LRFN5: variants seen among roughly 807,000 people sequenced by gnomAD.
LRFN5 encodes the protein leucine rich repeat and fibronectin type III domain containing 5.
Under a neutral mutation model 45.6 loss-of-function variants are expected in LRFN5, and 24 were observed. That is an observed-to-expected ratio of 0.53 (90% CI 0.38 to 0.74). The LOEUF (loss-of-function observed/expected upper bound fraction) is 0.74. Among genes scored for constraint, LRFN5 ranks in the 30% least tolerant of loss-of-function variants. The probability of loss-of-function intolerance (pLI) is 0.00; values close to 1 mark genes in which losing one functional copy is unlikely to be tolerated. For missense variants in LRFN5, 776 were observed against 861.5 expected (o/e 0.90, Z 1.24); for synonymous variants, 340 against 313.8 (o/e 1.08, Z -0.88).
At chr14:41,784,986 A>G (rs1213814202) in intron 2 of LRFN5, among the ~76,000 whole-genome samples, 1 of 152,094 alleles carries the variant, frequency 6.6e-6, no homozygotes, top group Non-Finnish European at 1.5e-5. Context: ...TCTGGGAGAC[A>G]CTGACATATT....
intron 2 of LRFN5, among the ~76,000 whole-genome samples, chr14:41,879,351 C>T (rs985050734): frequency 8.6e-5 from 13 of 151,730 alleles, no homozygotes; most frequent in African/African-American, 2.9e-4. Flanking sequence ...ATCACTATTT[C>T]CTTTTTTAAA....
chr14:41,682,217 G>T (rs963673764), intron 1 of LRFN5, among the ~76,000 whole-genome samples: 2 of 151,940 alleles, frequency 1.3e-5, no homozygotes, highest in Non-Finnish European at 2.9e-5. Flanking sequence ...CTACACTCCA[G>T]TCTGGGCAAC....
At position 41,763,061 on chromosome 14, in the gene LRFN5, A is replaced by C. The variant is rs754303037; in HGVS notation, c.-196-3793A>C. Among the ~76,000 whole-genome samples the C allele has an allele frequency of 1.3e-4, 20 of 152,342 alleles. No homozygotes were observed. The East Asian group carries it at 3.9e-3, about 29-fold the overall frequency. ...GTGAGATAATATTCTGGTGTCTTCAAGTATTTCAAGGGCTTTCAATGGGTC... is the reference window on the plus strand; with the variant it reads ...GTGAGATAATATTCTGGTGTCTTCACGTATTTCAAGGGCTTTCAATGGGTC... On this transcript the variant is annotated intron_variant, in intron 1 of 5. Transcript: ENST00000298119.
intron 3 of LRFN5, among the ~76,000 whole-genome samples, chr14:41,889,837 G>C: frequency 6.6e-6 from 1 of 152,094 alleles, no homozygotes; most frequent in East Asian, 1.9e-4. Context: ...CTTTTAGAAT[G>C]TAGTAGATTC....
At chr14:41,813,218 T>G (rs909074265) in intron 2 of LRFN5, among the ~76,000 whole-genome samples, 2 of 152,118 alleles carry the variant, frequency 1.3e-5, no homozygotes, top group African/African-American at 4.8e-5. Flanking sequence ...TTATTACAGT[T>G]TAAGTTCTGG....
chr14:41,634,112 A>T (rs2138584202), intron 1 of LRFN5, among the ~76,000 whole-genome samples: 1 of 152,288 alleles, frequency 6.6e-6, no homozygotes, highest in East Asian at 1.9e-4. Flanking sequence ...GATTCTTCAT[A>T]GTACAGTGAC....
At chr14:41,781,608 GAAAGAAAGA>G (rs1886512542) in intron 2 of LRFN5, among the ~76,000 whole-genome samples, 3 of 83,542 alleles carry the variant, frequency 3.6e-5, no homozygotes, top group African/African-American at 1.8e-4. Context: ...AAGAAAGAAA[GAAAGAAAGA>G]GAAAGAAAGA....
chr14:41,821,310 T>A (rs899366574), intron 2 of LRFN5, among the ~76,000 whole-genome samples: 7 of 151,852 alleles, frequency 4.6e-5, no homozygotes, highest in Non-Finnish European at 7.4e-5. Flanking sequence ...GAAAGTTTTT[T>A]AAATTTTATT....
intron 1 of LRFN5, among the ~76,000 whole-genome samples, chr14:41,708,058 A>G (rs1883138343): frequency 6.6e-6 from 1 of 152,042 alleles, no homozygotes; most frequent in South Asian, 2.1e-4. Context: ...ATCAAAACCA[A>G]TTTTTGATAT....
rs192606361 is a variant in LRFN5 at position 41,759,324 on chromosome 14, T to C, written c.-196-7530T>C. Among the ~76,000 whole-genome samples, 44 of 152,240 alleles carry C rather than the reference T, an allele frequency of 2.9e-4. No individual in the cohort carries two copies. The East Asian group carries it at 4.8e-3, about 17-fold the overall frequency. On this transcript the variant is annotated intron_variant, in intron 1 of 5. Transcript: ENST00000298119. ...TTTCAAAATCTCTCTTAACTATCTA[T>C]GAATCTAATTTTCAATTGCTTAATA...
Position 41,891,651 on chromosome 14 carries a change from A to C in LRFN5, c.1787A>C (p.His596Pro). The change falls in exon 4 of 6, where the codon CAC becomes CCC. Residue 596 changes from histidine (H) to proline (P), a missense_variant. Physicochemically the swap from His to Pro is moderately conservative, Grantham distance 77 (BLOSUM62 -2). Transcript: ENST00000298119. ...TCCGTGTCCAAACAAGCTGTGGGAC[A>C]CGAAGAGAATGCCCAGTGTTGTAAA... The part of the protein sequence containing the change: ...PQSVSKQAVG[H>P]EENAQCCKAT... 1 of 1,614,230 alleles carries C rather than the reference A, an allele frequency of 6.2e-7. No homozygotes were observed. Among genetic ancestry groups the C allele is most frequent in the Non-Finnish European group, 8.5e-7 (1 of 1,180,042 alleles).
At chr14:41,803,826 C>G (rs756566022) in intron 2 of LRFN5, among the ~76,000 whole-genome samples, 1 of 152,052 alleles carries the variant, frequency 6.6e-6, no homozygotes, top group Non-Finnish European at 1.5e-5. Context: ...GAGCTTTACA[C>G]AGGTAGAGCC....
At chr14:41,701,651 T>C (rs1214530678) in intron 1 of LRFN5, 1 of 152,134 alleles carries the variant, frequency 6.6e-6, no homozygotes, top group Non-Finnish European at 1.5e-5. Context: ...GCTGCTTCAA[T>C]AAATGCTGTA....
At chr14:41,683,444 C>G (rs1181939961) in intron 1 of LRFN5, among the ~76,000 whole-genome samples, 1 of 152,064 alleles carries the variant, frequency 6.6e-6, no homozygotes, top group East Asian at 1.9e-4. Flanking sequence ...TGTTATTCAA[C>G]ATAGTATGGG....
At chr14:41,651,767 C>T (rs775408911) in intron 1 of LRFN5, among the ~76,000 whole-genome samples, 1 of 152,102 alleles carries the variant, frequency 6.6e-6, no homozygotes, top group Admixed American at 6.6e-5. Flanking sequence ...GCCAGAGCTA[C>T]GAAGCTTATT....
At chr14:41,797,149 C>G (rs998455471) in intron 2 of LRFN5, among the ~76,000 whole-genome samples, 1 of 151,708 alleles carries the variant, frequency 6.6e-6, no homozygotes, top group Non-Finnish European at 1.5e-5. Flanking sequence ...GAGAAAGTTT[C>G]TTGTCATAGT....
At chr14:41,651,194 C>G (rs1309423898) in intron 1 of LRFN5, among the ~76,000 whole-genome samples, 12 of 152,082 alleles carry the variant, frequency 7.9e-5, no homozygotes, top group African/African-American at 2.9e-4. Context: ...TCACAGCACT[C>G]TCATGGATTT....
rs1263494495 is a variant in LRFN5 at position 41,767,014 on chromosome 14, T to A, written c.-36T>A. ...CGACTCCTTCACAGCCGTGAGGAAC[T>A]CTTCAGGCTCCAGAAGTAAGTTGAT... On this transcript the variant is annotated 5_prime_UTR_variant, in exon 2 of 6. Coordinates refer to ENST00000298119, the MANE Select transcript of LRFN5 (RefSeq NM_152447.5). 2.0e-5 allele frequency: 3 copies of A among 152,628 alleles called. No individual in the cohort carries two copies. The highest frequency in any genetic ancestry group is 4.4e-5 in the Non-Finnish European group (3 of 68,036). The allele number at this position is 152,628 out of a possible 1,614,324, so 9.5% of individuals were successfully genotyped here. A position where few individuals can be genotyped will look rare whatever the true frequency, so the allele number is the denominator to read the frequency against.
intron 1 of LRFN5, among the ~76,000 whole-genome samples, chr14:41,697,257 A>G (rs1421026025): frequency 6.6e-6 from 1 of 151,960 alleles, no homozygotes; most frequent in Non-Finnish European, 1.5e-5. Flanking sequence ...GAGGTTTATC[A>G]ATTGCATTAA....
Sources: allele counts gnomAD v4.1 joint callset (sites outside exome capture counted in the v4.1 genomes callset), GRCh38; gene constraint gnomAD v4.1.1; transcripts MANE v1.5; gene names NCBI Gene and HGNC (gene_info 2026-07-23, HGNC 2026-07-21).